AGPAT2: variants seen among roughly 807,000 people sequenced by gnomAD.
The protein encoded by AGPAT2 is 1-acylglycerol-3-phosphate O-acyltransferase 2.
AGPAT2 carries 18 observed loss-of-function variants against 26.1 expected under a neutral mutation model. The ratio of observed to expected loss-of-function variants is 0.69; its 90% confidence interval spans 0.48 to 1.02. The LOEUF (loss-of-function observed/expected upper bound fraction) is 1.02, where lower values mean the gene tolerates loss of function less well. AGPAT2 is among the 50% of genes least tolerant of loss of function. The pLI, the probability that AGPAT2 is intolerant of heterozygous loss-of-function variation, is 0.00. For missense variants in AGPAT2, 415 were observed against 394.9 expected, an observed-to-expected ratio of 1.05 and a Z score of -0.43; for synonymous variants, 200 against 174.2, an observed-to-expected ratio of 1.15 and a Z score of -1.16.
chr9:136,673,658 T>G lies in AGPAT2; in HGVS notation c.*94A>C, dbSNP rs1588260640. ...TGAGAGCTGGGGGAGCCGGACAGAG[T>G]GGTATTTGGAAGCCGGGAGGAGTCC... On this transcript the variant is annotated 3_prime_UTR_variant, in exon 6 of 6. Coordinates refer to ENST00000371696, the MANE Select transcript of AGPAT2 (RefSeq NM_006412.4). The G allele has an allele frequency of 7.6e-7, 1 of 1,321,454 alleles. No individual in the cohort carries two copies. The highest frequency in any genetic ancestry group is 2.7e-5 in the East Asian group (1 of 36,430). The allele number at this position is 1,321,454 out of a possible 1,614,324, so 81.9% of individuals were successfully genotyped here.
intron 1 of AGPAT2, among the ~76,000 whole-genome samples, chr9:136,683,780 A>G (rs1342380419): frequency 1.3e-5 from 2 of 152,146 alleles, no homozygotes; most frequent in Non-Finnish European, 2.9e-5. Context: ...AGCGCTCTGG[A>G]GGACCAAGGT....
At chr9:136,676,862 G>A (rs1846096726) in intron 3 of AGPAT2, 99 bp downstream of exon 3, 3 of 1,433,796 alleles carry the variant, frequency 2.1e-6, no homozygotes, top group Non-Finnish European at 2.9e-6. Flanking sequence ...TGATGTGGGG[G>A]TCTTGTTTTT....
chr9:136,676,907 T>A, intron 3 of AGPAT2, 54 bp downstream of exon 3: 25 of 1,533,408 alleles, frequency 1.6e-5, no homozygotes, highest in Non-Finnish European at 2.0e-5. Flanking sequence ...GGCCCCTGCC[T>A]GGCCCCGCCC....
At chr9:136,682,325 A>G (rs1846171635) in intron 1 of AGPAT2, among the ~76,000 whole-genome samples, 1 of 152,066 alleles carries the variant, frequency 6.6e-6, no homozygotes, top group South Asian at 2.1e-4. Flanking sequence ...TTCCCCCACC[A>G]GCTTGCCCAG....
chr9:136,684,223 G>C (rs1330661067), intron 1 of AGPAT2, among the ~76,000 whole-genome samples: 1 of 152,242 alleles, frequency 6.6e-6, no homozygotes, highest in South Asian at 2.1e-4. Flanking sequence ...AAACTTCTCT[G>C]TGGATTAAGC....
At chr9:136,686,714 CGGAG>C (rs111608107) in intron 1 of AGPAT2, among the ~76,000 whole-genome samples, 1,922 of 152,314 alleles carry the variant, frequency 0.013, 40 homozygotes, top group African/African-American at 0.044. Context: ...AGGAGGGGGT[CGGAG>C]GGAGGCCGAG....
At position 136,673,936 on chromosome 9, in the gene AGPAT2, G is replaced by A. The variant is rs367550612; in HGVS notation, c.662-9C>T. 3.2e-6 allele frequency: 5 copies of A among 1,545,998 alleles called. No individual in the cohort carries two copies. The highest frequency in any genetic ancestry group is 1.4e-5 in the African/African-American group (1 of 73,674). ...CTGCACTGTGACTGTTCCTGTGGGG[G>A]AAGCAACAGACCTCAGTGGCCTGTG... On this transcript the variant is annotated splice_polypyrimidine_tract_variant and intron_variant, in intron 5 of 5. Transcript: ENST00000371696.
Position 136,676,955 on chromosome 9 carries a change from A to C in AGPAT2, c.492+6T>G. 1 of 1,395,476 alleles carries C rather than the reference A, an allele frequency of 7.2e-7. No individual in the cohort carries two copies. The highest frequency in any genetic ancestry group is 9.6e-7 in the Non-Finnish European group (1 of 1,046,132). 86.4% of individuals were successfully genotyped at this position (1,395,476 alleles called of 1,614,324 possible). On this transcript the variant is annotated splice_donor_region_variant and intron_variant, in intron 3 of 5. Transcript: ENST00000371696. ...AACCCCACCGAGCCCGGCCCTGCAC[A>C]CTCACGTTCTCCCTGACCATGCGCT...
chr9:136,683,077 G>T lies in AGPAT2; in HGVS notation c.182+4099C>A, dbSNP rs373170805. On this transcript the variant is annotated intron_variant, in intron 1 of 5. Coordinates refer to ENST00000371696, the MANE Select transcript of AGPAT2 (RefSeq NM_006412.4). ...GGGATGACTAGGGGGTGGGGGGGAG[G>T]GGGGGAAGAATCCAAAATGGGTGGG... Among the ~76,000 whole-genome samples the T allele has an allele frequency of 4.3e-4, 61 of 140,960 alleles. 1 individual carries two copies. In the East Asian group the frequency reaches 7.7e-3, roughly 18 times the overall value. The allele number at this position is 140,960 out of a possible 152,430, so 92.5% of individuals were successfully genotyped here.
Position 136,677,498 on chromosome 9 carries a change from G to A in AGPAT2, c.241C>T (p.Arg81Trp), listed in dbSNP as rs534706099. 2.4e-5 allele frequency: 38 copies of A among 1,613,030 alleles called. No homozygotes were observed. In the Middle Eastern group the frequency reaches 6.6e-4, roughly 28 times the overall value. The change falls in exon 2 of 6, where the codon CGG (arginine) becomes TGG (tryptophan). Residue 81 changes from arginine (R) to tryptophan (W), a missense_variant. By Grantham distance (101) the Arg-to-Trp change is moderately radical. Transcript: ENST00000371696. ...GCCTCCTGCAGCCTGCGCGGGTCCC[G>A]CACCTCGAAGCGGAGCCCGTAAAAG... The part of the protein sequence containing the change: ...KYFYGLRFEV[R>W]DPRRLQEARP...
Position 136,687,283 on chromosome 9 carries a change from C to T in AGPAT2, c.75G>A (p.Glu25=). The T allele has an allele frequency of 6.3e-7, 1 of 1,585,502 alleles. No individual in the cohort carries two copies. The highest frequency in any genetic ancestry group is 8.5e-7 in the Non-Finnish European group (1 of 1,170,392). ...AGTACAGGGCGACCTTGGCGTAGAACTCGGCCGCGCGGCTCAGCTGCACCA... is the reference window on the plus strand; with the variant it reads ...AGTACAGGGCGACCTTGGCGTAGAATTCGGCCGCGCGGCTCAGCTGCACCA... ...LLLVQLSRAA[E]FYAKVALYCA... is the part of the protein sequence containing the mutation. The change falls in exon 1 of 6, where the codon GAG becomes GAA. Residue 25 remains glutamate, a synonymous_variant. Coordinates refer to ENST00000371696, the MANE Select transcript of AGPAT2 (RefSeq NM_006412.4).
chr9:136,684,036 C>T (rs1846192811), intron 1 of AGPAT2, among the ~76,000 whole-genome samples: 1 of 152,214 alleles, frequency 6.6e-6, no homozygotes, highest in Non-Finnish European at 1.5e-5. Context: ...CCACTAGGTC[C>T]CGGCCTCCAG....
At chr9:136,678,369 C>T (rs908392503) in intron 1 of AGPAT2, among the ~76,000 whole-genome samples, 2 of 152,208 alleles carry the variant, frequency 1.3e-5, no homozygotes, top group African/African-American at 4.8e-5. Flanking sequence ...AAGGGGTACC[C>T]GAAGACTCTG....
At chr9:136,680,518 C>T (rs1358488075) in intron 1 of AGPAT2, among the ~76,000 whole-genome samples, 2 of 151,890 alleles carry the variant, frequency 1.3e-5, no homozygotes, top group African/African-American at 2.4e-5. Context: ...TGAGCCACCG[C>T]GCCCGGCCAG....
chr9:136,683,829 G>A (rs1056906364), intron 1 of AGPAT2, among the ~76,000 whole-genome samples: 2 of 152,212 alleles, frequency 1.3e-5, no homozygotes, highest in Non-Finnish European at 2.9e-5. Flanking sequence ...GTGCTGTGGT[G>A]ACACAGGGCC....
chr9:136,683,626 C>T (rs1321713229), intron 1 of AGPAT2, among the ~76,000 whole-genome samples: 1 of 152,202 alleles, frequency 6.6e-6, no homozygotes, highest in African/African-American at 2.4e-5. Context: ...CACAAACACC[C>T]GGATGTGGGG....
intron 1 of AGPAT2, among the ~76,000 whole-genome samples, chr9:136,684,993 T>C (rs1846204606): frequency 6.6e-6 from 1 of 152,276 alleles, no homozygotes; most frequent in Middle Eastern, 3.4e-3. Flanking sequence ...GGAACGCACG[T>C]TCGCAACAGC....
At chr9:136,682,521 G>A (rs1588267598) in intron 1 of AGPAT2, among the ~76,000 whole-genome samples, 2 of 151,512 alleles carry the variant, frequency 1.3e-5, no homozygotes, top group East Asian at 1.9e-4. Context: ...CGGGGAGCAG[G>A]GGCAAAGCCA....
intron 1 of AGPAT2, among the ~76,000 whole-genome samples, chr9:136,686,762 T>C (rs1846226379): frequency 1.3e-5 from 2 of 152,184 alleles, no homozygotes; most frequent in South Asian, 4.1e-4. Context: ...CCCTGATCAA[T>C]AGCCCTGGGG....
Sources: allele counts gnomAD v4.1 joint callset (sites outside exome capture counted in the v4.1 genomes callset), GRCh38; gene constraint gnomAD v4.1.1; transcripts MANE v1.5; gene names NCBI Gene and HGNC (gene_info 2026-07-23, HGNC 2026-07-21).